The following EMP2 variants were observed in gnomAD, a reference collection of about 807,000 sequenced individuals.
EMP2 encodes epithelial membrane protein 2.
In EMP2, 19 loss-of-function variants were observed where a neutral mutation model predicts 13.7. The ratio of observed to expected loss-of-function variants is 1.38; its 90% CI spans 0.97 to 2.03. The LOEUF (loss-of-function observed/expected upper bound fraction) is 2.03. EMP2 is among the 30% of genes most tolerant of loss of function. The pLI is 0.00. For synonymous variants in EMP2, 97 were observed against 84.7 expected (o/e 1.15, Z -0.80); for missense variants, 253 against 220.7 (o/e 1.15, Z -0.93).
intron 1 of EMP2, among the ~76,000 whole-genome samples, chr16:10,571,030 G>A (rs60879779): frequency 1.4e-4 from 22 of 151,766 alleles, no homozygotes; most frequent in Middle Eastern, 3.4e-3. Flanking sequence ...AGGCTGAGGC[G>A]GGTGGATCAT....
At chr16:10,533,145 G>A in intron 4 of EMP2, 53 bp from the exon 5 acceptor site, 1 of 1,413,948 alleles carries the variant, frequency 7.1e-7, no homozygotes, top group Non-Finnish European at 9.4e-7. Context: ...AGTGCACCCT[G>A]GGTAGCCCAG....
Position 10,539,332 on chromosome 16 carries a change from C to T in EMP2, c.170-1258G>A, listed in dbSNP as rs1480651776. ...CATAATTGGTAAGTACTTAATGAAACGTCTAGAGCTGTGGATTTAATCCAT... is the reference window on the plus strand; with the variant it reads ...CATAATTGGTAAGTACTTAATGAAATGTCTAGAGCTGTGGATTTAATCCAT... On this transcript the variant is annotated intron_variant, in intron 3 of 4. Transcript: ENST00000359543. 2.6e-5 allele frequency among the ~76,000 whole-genome samples: 4 copies of T among 152,096 alleles called. No homozygotes were observed. The East Asian group carries it at 7.7e-4, about 29-fold the overall frequency.
chr16:10,547,420 T>C, intron 2 of EMP2, 120 bp downstream of exon 2: 1 of 1,105,682 alleles, frequency 9.0e-7, no homozygotes, highest in Non-Finnish European at 1.3e-6. Flanking sequence ...CTCATTTTCC[T>C]TATAAATTAC....
chr16:10,552,635 C>T (rs2050797005), intron 1 of EMP2, among the ~76,000 whole-genome samples: 1 of 152,172 alleles, frequency 6.6e-6, no homozygotes, highest in Admixed American at 6.5e-5. Context: ...TTATTTTTAA[C>T]GTTCTTTCTT....
intron 1 of EMP2, among the ~76,000 whole-genome samples, chr16:10,552,177 T>C (rs1012179750): frequency 2.6e-5 from 4 of 151,592 alleles, no homozygotes; most frequent in African/African-American, 7.3e-5. Context: ...AGGGCTCATG[T>C]ACCACGCTGA....
At chr16:10,579,876 C>T (rs1472567854) in intron 1 of EMP2, among the ~76,000 whole-genome samples, 1 of 152,190 alleles carries the variant, frequency 6.6e-6, no homozygotes, top group Non-Finnish European at 1.5e-5. Context: ...CTGGAGCGTG[C>T]TCAGATCTCT....
intron 1 of EMP2, among the ~76,000 whole-genome samples, chr16:10,549,781 G>A (rs1301798712): frequency 6.6e-6 from 1 of 151,334 alleles, no homozygotes. Flanking sequence ...AACCACTTGA[G>A]AGTAAGTTGC....
intron 1 of EMP2, among the ~76,000 whole-genome samples, chr16:10,557,281 C>T (rs956958397): frequency 1.3e-5 from 2 of 149,268 alleles, no homozygotes; most frequent in East Asian, 4.0e-4. Flanking sequence ...CGCCTGAACC[C>T]GGTAGGTGGA....
intron 1 of EMP2, among the ~76,000 whole-genome samples, chr16:10,575,476 G>A (rs534906374): frequency 3.3e-5 from 5 of 151,500 alleles, no homozygotes; most frequent in South Asian, 2.1e-4. Context: ...GGATGGTCTC[G>A]ATCTCCTGAC....
At chr16:10,572,651 G>C (rs963695588) in intron 1 of EMP2, among the ~76,000 whole-genome samples, 2 of 152,126 alleles carry the variant, frequency 1.3e-5, no homozygotes, top group Non-Finnish European at 2.9e-5. Flanking sequence ...AGGTATTAAG[G>C]ATTATCTCCA....
intron 4 of EMP2, among the ~76,000 whole-genome samples, chr16:10,533,456 T>C (rs975029186): frequency 6.6e-6 from 1 of 152,224 alleles, no homozygotes; most frequent in African/African-American, 2.4e-5. Flanking sequence ...TCTTGCTAAC[T>C]AAACCCAGTT....
At chr16:10,571,201 G>C (rs1308638996) in intron 1 of EMP2, among the ~76,000 whole-genome samples, 1 of 140,622 alleles carries the variant, frequency 7.1e-6, no homozygotes, top group Non-Finnish European at 1.5e-5. Context: ...CGGCTGCAGT[G>C]AGCTGAGATC....
chr16:10,562,336 TTCTCTCTCTCTCTCTC>T lies in EMP2; in HGVS notation c.-60-14675_-60-14660del, dbSNP rs540802206. Among the ~76,000 whole-genome samples, 81 of 124,204 alleles carry T rather than the reference TTCTCTCTCTCTCTCTC, an allele frequency of 6.5e-4. 2 individuals are homozygous for T. Among genetic ancestry groups the T allele is most frequent in the Non-Finnish European group, 8.7e-4 (53 of 60,660 alleles). 81.5% of individuals were successfully genotyped at this position (124,204 alleles called of 152,430 possible). On this transcript the variant is annotated intron_variant, in intron 1 of 4. Transcript: ENST00000359543. Reference sequence around the variant, plus strand: ...AAAGCCTCAAGAAGCCTCATGCATGTTCTCTCTCTCTCTCTCTCTCTCTCTCTCTCTCTCTCTCTCT... The same window carrying T: ...AAAGCCTCAAGAAGCCTCATGCATGTTCTCTCTCTCTCTCTCTCTCTCTCT...
At chr16:10,540,327 A>C (rs1323089537) in intron 3 of EMP2, among the ~76,000 whole-genome samples, 2 of 152,096 alleles carry the variant, frequency 1.3e-5, no homozygotes. Context: ...CCAATATGGC[A>C]AAACCCTGTC....
In EMP2 at chr16:10,566,899, T is replaced by C. The variant is rs1373728577; in HGVS notation, c.-61+13650A>G. Among the ~76,000 whole-genome samples, 6 of 152,184 alleles carry C rather than the reference T, an allele frequency of 3.9e-5. No homozygotes were observed. The East Asian group carries it at 1.2e-3, about 29-fold the overall frequency. On this transcript the variant is annotated intron_variant, in intron 1 of 4. Coordinates refer to ENST00000359543, the MANE Select transcript of EMP2 (RefSeq NM_001424.6). Reference sequence around the variant, plus strand: ...GTTTCATGCCTCAAACCAGTGCCCCTTCTTTGTCCCCAACAAACCAAGCTC... The same window carrying C: ...GTTTCATGCCTCAAACCAGTGCCCCCTCTTTGTCCCCAACAAACCAAGCTC...
At chr16:10,564,841 G>C (rs955586137) in intron 1 of EMP2, among the ~76,000 whole-genome samples, 2 of 152,170 alleles carry the variant, frequency 1.3e-5, no homozygotes, top group East Asian at 3.9e-4. Flanking sequence ...CGCTTATGTC[G>C]ACATTTCCCC....
At chr16:10,575,237 CTTTTTTTTTTTTTTTTTTTTTTT>C (rs761837614) in intron 1 of EMP2, among the ~76,000 whole-genome samples, 1 of 52,500 alleles carries the variant, frequency 1.9e-5, no homozygotes, top group Non-Finnish European at 3.6e-5. Context: ...AGCTTGCATT[CTTTTTTTTTTTTTTTTTTTTTTT>C]TTTTTTTTTT....
intron 1 of EMP2, among the ~76,000 whole-genome samples, chr16:10,562,319 A>C (rs2050876809): frequency 6.7e-6 from 1 of 149,724 alleles, no homozygotes; most frequent in South Asian, 2.1e-4. Flanking sequence ...CCAAAGCCTC[A>C]AGAAGCCTCA....
intron 1 of EMP2, among the ~76,000 whole-genome samples, chr16:10,579,797 G>A (rs939534518): frequency 6.6e-6 from 1 of 152,022 alleles, no homozygotes. Context: ...GGCCTGGAGG[G>A]AGAGCTTTGC....
Sources: allele counts gnomAD v4.1 joint callset (sites outside exome capture counted in the v4.1 genomes callset), GRCh38; gene constraint gnomAD v4.1.1; transcripts MANE v1.5; gene names NCBI Gene and HGNC (gene_info 2026-07-23, HGNC 2026-07-21).